The following RAB11FIP1 variants were observed in gnomAD, a reference collection of about 807,000 sequenced individuals.
RAB11FIP1 encodes RAB11 family interacting protein 1, also known as rab11 family-interacting protein 1.
A neutral mutation model predicts 83.1 loss-of-function variants in RAB11FIP1; 49 were observed. The observed-to-expected ratio is 0.59, with a 90% CI of 0.47 to 0.75. The LOEUF is 0.75. RAB11FIP1 is among the 30% of genes least tolerant of loss of function. RAB11FIP1 has a pLI of 0.00. For synonymous variants in RAB11FIP1, 670 were observed against 656.0 expected (o/e 1.02, Z -0.33); for missense variants, 1,536 against 1,598.7 (o/e 0.96, Z 0.67).
intron 5 of RAB11FIP1, among the ~76,000 whole-genome samples, chr8:37,868,252 T>A (rs1563365636): frequency 6.6e-6 from 1 of 151,930 alleles, no homozygotes; most frequent in Non-Finnish European, 1.5e-5. Context: ...CAAAACCCCG[T>A]CTCTACTAAA....
Position 37,861,375 on chromosome 8 carries a change from T to C in RAB11FIP1, c.*1520A>G. 3.6e-6 allele frequency: 1 copy of C among 277,946 alleles called. No individual in the cohort carries two copies. The highest frequency in any genetic ancestry group is 3.0e-5 in the South Asian group (1 of 33,162). 17.2% of individuals were successfully genotyped at this position (277,946 alleles called of 1,614,324 possible). A position where few individuals can be genotyped will look rare whatever the true frequency, so the allele number is the denominator to read the frequency against. On this transcript the variant is annotated 3_prime_UTR_variant, in exon 6 of 6. Coordinates refer to ENST00000330843, the MANE Select transcript of RAB11FIP1 (RefSeq NM_001002814.3). ...CTGTTTTCTACTGACTTTTAACTTT[T>C]ATTAACTACATTAAGCCCTTCACTA...
intron 1 of RAB11FIP1, chr8:37,878,097 G>A (rs1000112202): frequency 6.6e-6 from 1 of 152,238 alleles, no homozygotes; most frequent in Non-Finnish European, 1.5e-5. Flanking sequence ...ACACGCGCTA[G>A]ACAAAGATAG....
Position 37,874,811 on chromosome 8 carries a change from C to T in RAB11FIP1, c.1326G>A (p.Gly442=). Residue 442 remains glycine (G), a synonymous_variant, in exon 3 of 6, where the codon GGG becomes GGA. Transcript: ENST00000330843. The stretch of plus-strand genomic sequence containing the variant: ...CACTGCCCTTAGCCACATCCTTCTT[C>T]CCCGTCATCAGAGACAGCAAAGAGG... ...RRSSLLSLMT[G]KKDVAKGSEG... 1.9e-6 allele frequency: 3 copies of T among 1,614,200 alleles called. No homozygotes were observed. Among genetic ancestry groups the T allele is most frequent in the Non-Finnish European group, 2.5e-6 (3 of 1,180,030 alleles).
chr8:37,867,806 G>A (rs575864946), intron 5 of RAB11FIP1, among the ~76,000 whole-genome samples: 1 of 152,236 alleles, frequency 6.6e-6, no homozygotes, highest in South Asian at 2.1e-4. Context: ...GCAAGAAGAT[G>A]CTGACTTGTT....
chr8:37,877,707 AAT>A, intron 1 of RAB11FIP1, 156 bp from the exon 2 acceptor site: 2 of 415,396 alleles, frequency 4.8e-6, no homozygotes, highest in Admixed American at 4.3e-5. Context: ...ATGAGAGCAG[AAT>A]TTTTTTTTTT....
At position 37,873,676 on chromosome 8, in the gene RAB11FIP1, A is replaced by C. The variant is rs542807121; in HGVS notation, c.1623-497T>G. Among the ~76,000 whole-genome samples, 29 of 152,290 alleles carry C rather than the reference A, an allele frequency of 1.9e-4. 1 individual carries two copies. In the South Asian group the frequency reaches 4.8e-3, roughly 25 times the overall value. On this transcript the variant is annotated intron_variant, in intron 3 of 5. Transcript: ENST00000330843. ...TATAACCAAGCAGATCCGTCACACA[A>C]AAGTCTGTTGCAATAGAAATGAAAA...
At chr8:37,883,448 G>A (rs2130174948) in intron 1 of RAB11FIP1, among the ~76,000 whole-genome samples, 1 of 152,316 alleles carries the variant, frequency 6.6e-6, no homozygotes, top group African/African-American at 2.4e-5. Context: ...GGGATTACAG[G>A]CGTGAGCCAC....
At chr8:37,870,559 C>T in intron 4 of RAB11FIP1, 31 bp from the exon 5 acceptor site, 1 of 1,262,212 alleles carries the variant, frequency 7.9e-7, no homozygotes, top group Non-Finnish European at 1.1e-6. Flanking sequence ...ATCTTTAGAC[C>T]CTCCGGTCAT....
Position 37,877,348 on chromosome 8 carries a change from A to T in RAB11FIP1, c.575T>A (p.Ile192Asn), listed in dbSNP as rs1231160738. The change falls in exon 2 of 6, where the codon ATC becomes AAC. Residue 192 changes from isoleucine (I) to asparagine (N), a missense_variant. Physicochemically the swap from Ile to Asn is moderately radical, Grantham distance 149. Transcript: ENST00000330843. ...KDSGSDTASA[I>N]IPSTTPSVDS... Reference sequence around the variant, plus strand: ...GACCGAAGGTGTCGTGCTAGGGATGATGGCGGAGGCGGTGTCTGACCCACT... The same window carrying T: ...GACCGAAGGTGTCGTGCTAGGGATGTTGGCGGAGGCGGTGTCTGACCCACT... 4 of 1,614,192 alleles carry T rather than the reference A, an allele frequency of 2.5e-6. No individual in the cohort carries two copies. The South Asian group carries it at 3.3e-5, about 13-fold the overall frequency.
chr8:37,899,238 C>T lies in RAB11FIP1; in HGVS notation c.204G>A (p.Glu68=). 1.9e-6 allele frequency: 3 copies of T among 1,595,052 alleles called. No homozygotes were observed. In the East Asian group the frequency reaches 6.8e-5, roughly 36 times the overall value. ...ERSLGAPVWR[E]EATFELPSLL... ...GCGATGGCAGCTCGAAGGTGGCCTC[C>T]TCGCGCCACACGGGCGCGCCCAGGC... The change falls in exon 1 of 6, where the codon GAG becomes GAA. Residue 68 remains glutamate (E), a synonymous_variant. Transcript: ENST00000330843. The surrounding 1 kb of genome is among the most constrained non-coding windows in gnomAD (Gnocchi z 4.5).
intron 1 of RAB11FIP1, among the ~76,000 whole-genome samples, chr8:37,891,665 GA>G (rs1806948710): frequency 6.6e-6 from 1 of 152,192 alleles, no homozygotes; most frequent in African/African-American, 2.4e-5. Context: ...AGTAAAATGA[GA>G]AAGGCACAAG....
At chr8:37,889,933 G>A (rs960174993) in intron 1 of RAB11FIP1, among the ~76,000 whole-genome samples, 13 of 152,006 alleles carry the variant, frequency 8.6e-5, no homozygotes, top group African/African-American at 2.9e-4. Flanking sequence ...ACAGGTGCCC[G>A]CCACCATACC....
intron 1 of RAB11FIP1, among the ~76,000 whole-genome samples, chr8:37,879,376 C>A (rs955147293): frequency 6.6e-6 from 1 of 152,036 alleles, no homozygotes. Context: ...CTATATGAGT[C>A]CACTTATGTG....
At chr8:37,873,342 C>T (rs1585433273) in intron 3 of RAB11FIP1, 163 bp from the exon 4 acceptor site, 5 of 710,024 alleles carry the variant, frequency 7.0e-6, no homozygotes, top group East Asian at 2.9e-5. Flanking sequence ...CGGTGGCTCA[C>T]GCCTGTAATC....
Position 37,874,847 on chromosome 8 carries a change from C to A in RAB11FIP1, c.1290G>T (p.Glu430Asp), listed in dbSNP as rs745692736. The A allele has an allele frequency of 3.1e-6, 5 of 1,614,180 alleles. No individual in the cohort carries two copies. In the Admixed American group the frequency reaches 8.3e-5, roughly 27 times the overall value. Residue 430 changes from glutamate (E) to aspartate (D), a missense_variant, in exon 3 of 6, where the codon GAG becomes GAT. Transcript: ENST00000330843. ...GAGACAGCAAAGAGGACCTCCTGCTCTCTGGCTTCTTGCTCTCCTTAGCTT... is the reference window on the plus strand; with the variant it reads ...GAGACAGCAAAGAGGACCTCCTGCTATCTGGCTTCTTGCTCTCCTTAGCTT... ...TKEAKESKKP[E>D]SRRSSLLSLM...
intron 1 of RAB11FIP1, among the ~76,000 whole-genome samples, chr8:37,896,668 G>A (rs1330572057): frequency 6.6e-6 from 1 of 152,048 alleles, no homozygotes; most frequent in African/African-American, 2.4e-5. Context: ...AGAGCTCAAG[G>A]TTTCAATCTC....
intron 5 of RAB11FIP1, among the ~76,000 whole-genome samples, chr8:37,867,427 G>A (rs940090571): frequency 3.3e-5 from 5 of 152,182 alleles, no homozygotes; most frequent in Non-Finnish European, 5.9e-5. Flanking sequence ...AGTGGGGTCC[G>A]GGCGCAGTGG....
In RAB11FIP1 at chr8:37,894,322, C is replaced by A. The variant is rs551893976; in HGVS notation, c.371+4749G>T. ...TCTGCATCCAACTCTCCCAGAAAAA[C>A]AACTATCTAGCCCTTGCTTTTTTCT... On this transcript the variant is annotated intron_variant, in intron 1 of 5. Coordinates refer to ENST00000330843, the MANE Select transcript of RAB11FIP1 (RefSeq NM_001002814.3). Among the ~76,000 whole-genome samples the A allele has an allele frequency of 4.3e-4, 66 of 152,252 alleles. 3 individuals carry two copies. The highest frequency in any genetic ancestry group is 1.5e-3 in the African/African-American group (62 of 41,540).
At chr8:37,866,261 G>A (rs1275041150) in intron 5 of RAB11FIP1, among the ~76,000 whole-genome samples, 1 of 152,046 alleles carries the variant, frequency 6.6e-6, no homozygotes, top group Admixed American at 6.6e-5. Context: ...CTTGAACTCG[G>A]GAGGCGGAGG....
Sources: allele counts gnomAD v4.1 joint callset (sites outside exome capture counted in the v4.1 genomes callset), GRCh38; gene constraint gnomAD v4.1.1; non-coding constraint Gnocchi (gnomAD v3.1); transcripts MANE v1.5; gene names NCBI Gene and HGNC (gene_info 2026-07-23, HGNC 2026-07-21).